Variants in ME3 observed in about 807,000 individuals in gnomAD.
The protein encoded by ME3 is NADP-dependent malic enzyme, mitochondrial.
Under a neutral mutation model 68.9 loss-of-function variants are expected in ME3, and 48 were observed. That is an observed-to-expected ratio of 0.70 (90% CI 0.55 to 0.89). The LOEUF (loss-of-function observed/expected upper bound fraction) is 0.89. ME3 is among the 40% of genes least tolerant of loss of function. ME3 has a pLI of 0.00. For missense variants in ME3, 675 were observed against 797.4 expected (o/e 0.85, Z 1.85); for synonymous variants, 320 against 318.8 (o/e 1.00, Z -0.04).
At chr11:86,437,663 A>G (rs1948905295), downstream of ME3, among the ~76,000 whole-genome samples, 1 of 152,282 alleles carries the variant, frequency 6.6e-6, no homozygotes, top group Admixed American at 6.5e-5. Flanking sequence ...TTTTTGGTAT[A>G]CTATACTTGC....
chr11:86,607,212 T>C (rs1456908467), intron 2 of ME3, among the ~76,000 whole-genome samples: 1 of 152,146 alleles, frequency 6.6e-6, no homozygotes, highest in African/African-American at 2.4e-5. Flanking sequence ...CTCTGAGTGA[T>C]CTTTCTAACT....
chr11:86,460,707 C>G (rs1950186979), intron 8 of ME3, among the ~76,000 whole-genome samples: 1 of 152,236 alleles, frequency 6.6e-6, no homozygotes, highest in African/African-American at 2.4e-5. Flanking sequence ...CTCCCTCTCA[C>G]CCCTTCACTC....
intron 2 of ME3, among the ~76,000 whole-genome samples, chr11:86,655,684 A>G (rs866100205): frequency 1.3e-4 from 19 of 151,924 alleles, no homozygotes; most frequent in Admixed American, 3.3e-4. Flanking sequence ...GGACATAGGC[A>G]TGGGCAAGGA....
chr11:86,483,533 AAG>A (rs533410704), intron 7 of ME3, among the ~76,000 whole-genome samples: 2 of 151,826 alleles, frequency 1.3e-5, no homozygotes, highest in Non-Finnish European at 1.5e-5. Context: ...GGTGAGGGGA[AAG>A]AGAGAGAGAG....
At chr11:86,503,988 G>C (rs1017026514) in intron 5 of ME3, among the ~76,000 whole-genome samples, 2 of 152,174 alleles carry the variant, frequency 1.3e-5, no homozygotes. Context: ...AGGCAGCCTG[G>C]CCTGGCCCGC....
At chr11:86,477,087 A>G (rs148774841) in intron 7 of ME3, among the ~76,000 whole-genome samples, 23 of 152,318 alleles carry the variant, frequency 1.5e-4, no homozygotes, top group Non-Finnish European at 2.8e-4. Flanking sequence ...AACATTTTAC[A>G]TGGATGGCCT....
At chr11:86,535,979 C>T (rs1386743940) in intron 4 of ME3, among the ~76,000 whole-genome samples, 1 of 152,184 alleles carries the variant, frequency 6.6e-6, no homozygotes, top group Admixed American at 6.5e-5. Flanking sequence ...ACAAATTTGT[C>T]TCCTGACCAC....
chr11:86,489,624 G>A (rs1951880001), intron 6 of ME3, among the ~76,000 whole-genome samples: 1 of 152,274 alleles, frequency 6.6e-6, no homozygotes, highest in South Asian at 2.1e-4. Flanking sequence ...CATGGAGGGG[G>A]TGTGGGGGAA....
chr11:86,513,387 T>A (rs1467741798), intron 4 of ME3, among the ~76,000 whole-genome samples: 1 of 152,204 alleles, frequency 6.6e-6, no homozygotes, highest in African/African-American at 2.4e-5. Context: ...ACAAAGGATT[T>A]TGAAAGGATT....
At chr11:86,440,341 G>A (rs1233280689), downstream of ME3, among the ~76,000 whole-genome samples, 1 of 152,148 alleles carries the variant, frequency 6.6e-6, no homozygotes, top group Non-Finnish European at 1.5e-5. Context: ...AGAGATGAAG[G>A]CTAGCACTGA....
chr11:86,552,293 C>T (rs926915580), intron 4 of ME3, among the ~76,000 whole-genome samples: 13 of 152,188 alleles, frequency 8.5e-5, no homozygotes, highest in Non-Finnish European at 1.5e-4. Context: ...CTTCAAAGTC[C>T]GTGCTGCTTC....
chr11:86,517,124 T>G (rs996694310), intron 4 of ME3, among the ~76,000 whole-genome samples: 6 of 152,206 alleles, frequency 3.9e-5, no homozygotes, highest in African/African-American at 1.4e-4. Flanking sequence ...TCTGTAAATA[T>G]ATTCTGTTCT....
chr11:86,482,069 C>G (rs563405490), intron 7 of ME3, among the ~76,000 whole-genome samples: 4 of 152,192 alleles, frequency 2.6e-5, no homozygotes, highest in African/African-American at 9.7e-5. Flanking sequence ...ATCCATAGGA[C>G]ACAGTTCAGA....
At chr11:86,640,687 T>C (rs1944612964) in intron 2 of ME3, among the ~76,000 whole-genome samples, 1 of 152,214 alleles carries the variant, frequency 6.6e-6, no homozygotes, top group South Asian at 2.1e-4. Flanking sequence ...CAGATCTTGA[T>C]CCTCATTCTT....
chr11:86,609,891 T>C (rs554133684), intron 2 of ME3, among the ~76,000 whole-genome samples: 7 of 152,288 alleles, frequency 4.6e-5, no homozygotes, highest in Middle Eastern at 3.4e-3. Context: ...TATATATAAA[T>C]ATAATGATAA....
intron 2 of ME3, among the ~76,000 whole-genome samples, chr11:86,614,998 A>T (rs1053666432): frequency 2.0e-5 from 3 of 151,834 alleles, no homozygotes; most frequent in Non-Finnish European, 4.4e-5. Flanking sequence ...CCATAAGAAT[A>T]CACACATTCT....
intron 8 of ME3, among the ~76,000 whole-genome samples, chr11:86,458,158 A>ATTTTT (rs1276179570): frequency 6.6e-6 from 1 of 152,242 alleles, no homozygotes; most frequent in African/African-American, 2.4e-5. Flanking sequence ...AGATACTGCC[A>ATTTTT]TTCATTTATT....
intron 2 of ME3, among the ~76,000 whole-genome samples, chr11:86,669,923 T>A (rs934903327): frequency 6.6e-6 from 1 of 152,214 alleles, no homozygotes; most frequent in African/African-American, 2.4e-5. Context: ...TCACAATGAT[T>A]GGAGCCTGTA....
chr11:86,466,475 G>A (rs1273443158), intron 7 of ME3, among the ~76,000 whole-genome samples: 1 of 152,116 alleles, frequency 6.6e-6, no homozygotes, highest in African/African-American at 2.4e-5. Context: ...TACAGGCTTG[G>A]GAGCAGCTTG....
Sources: allele counts gnomAD v4.1 joint callset (sites outside exome capture counted in the v4.1 genomes callset), GRCh38; gene constraint gnomAD v4.1.1; transcripts MANE v1.5; gene names NCBI Gene and HGNC (gene_info 2026-07-23, HGNC 2026-07-21).